The following MAP3K13 variants were observed in gnomAD, a reference collection of about 807,000 sequenced individuals.
MAP3K13 encodes leucine zipper-bearing kinase.
A neutral mutation model predicts 104.0 loss-of-function variants in MAP3K13; 52 were observed. The observed-to-expected ratio is 0.50, with a 90% CI of 0.40 to 0.63. The LOEUF (loss-of-function observed/expected upper bound fraction) is 0.63. Ranked by LOEUF, MAP3K13 falls within the 20% of genes least tolerant of loss-of-function variation. MAP3K13 has a pLI of 0.00. For missense variants in MAP3K13, 914 were observed against 1,218.5 expected (o/e 0.75, Z 3.72); for synonymous variants, 394 against 442.2 (o/e 0.89, Z 1.37).
intron 7 of MAP3K13, among the ~76,000 whole-genome samples, chr3:185,454,435 A>G (rs1716160166): frequency 8.6e-6 from 1 of 116,810 alleles, no homozygotes; most frequent in African/African-American, 3.5e-5. Flanking sequence ...TATATGATAT[A>G]TATGAGATAT....
At chr3:185,328,152 C>T (rs924588314) in intron 2 of MAP3K13, among the ~76,000 whole-genome samples, 4 of 152,032 alleles carry the variant, frequency 2.6e-5, no homozygotes, top group Admixed American at 6.6e-5. Flanking sequence ...TCAGATCAGC[C>T]GGTGGTTTGA....
chr3:185,480,572 T>C (rs772671950), intron 13 of MAP3K13, 43 bp downstream of exon 13: 2 of 1,587,252 alleles, frequency 1.3e-6, no homozygotes, highest in East Asian at 2.2e-5. Flanking sequence ...TTCCCTTTTT[T>C]GCTCTTTGGG....
At chr3:185,464,989 ATTTAT>A (rs1169561891) in intron 8 of MAP3K13, among the ~76,000 whole-genome samples, 1 of 151,896 alleles carries the variant, frequency 6.6e-6, no homozygotes, top group African/African-American at 2.4e-5. Flanking sequence ...CCACCTATTT[ATTTAT>A]TTATTTTGAG....
At position 185,417,593 on chromosome 3, in the gene MAP3K13, G is replaced by A. The variant is rs1488063069; in HGVS notation, c.-85-10904G>A. 4 of 1,599,300 alleles carry A rather than the reference G, an allele frequency of 2.5e-6. No homozygotes were observed. The Admixed American group carries it at 6.8e-5, about 27-fold the overall frequency. ...GTAGCTGCTGCCTTTTTTCCCACCAGAGGCTTCTTCTGCTTCTTAACACCA... is the reference window on the plus strand; with the variant it reads ...GTAGCTGCTGCCTTTTTTCCCACCAAAGGCTTCTTCTGCTTCTTAACACCA... On this transcript the variant is annotated intron_variant, in intron 1 of 13. Transcript: ENST00000265026.
intron 7 of MAP3K13, among the ~76,000 whole-genome samples, chr3:185,461,353 G>C (rs1717086504): frequency 6.6e-6 from 1 of 151,894 alleles, no homozygotes; most frequent in African/African-American, 2.4e-5. Flanking sequence ...CCTATATGTG[G>C]GAAAATCTAG....
chr3:185,361,111 TGTGTG>T (rs1409998252), upstream of MAP3K13, among the ~76,000 whole-genome samples: 1 of 151,092 alleles, frequency 6.6e-6, no homozygotes, highest in African/African-American at 2.4e-5. Flanking sequence ...TGTGTGTGTG[TGTGTG>T]TGTGTGTATA....
chr3:185,413,477 A>T (rs1181041613), intron 1 of MAP3K13, among the ~76,000 whole-genome samples: 1 of 152,246 alleles, frequency 6.6e-6, no homozygotes, highest in East Asian at 1.9e-4. Context: ...ATGACTACGT[A>T]TAACTAGAAG....
intron 1 of MAP3K13, among the ~76,000 whole-genome samples, chr3:185,399,225 A>C (rs1415424259): frequency 6.6e-6 from 1 of 152,022 alleles, no homozygotes; most frequent in Non-Finnish European, 1.5e-5. Flanking sequence ...GAAAGTGACA[A>C]AATTACCCTT....
At chr3:185,408,431 G>A (rs1713242326) in intron 1 of MAP3K13, among the ~76,000 whole-genome samples, 1 of 152,040 alleles carries the variant, frequency 6.6e-6, no homozygotes, top group African/African-American at 2.4e-5. Flanking sequence ...AATTAGCCGG[G>A]CATGGTGGCG....
chr3:185,469,417 A>G (rs1166848810), intron 10 of MAP3K13, among the ~76,000 whole-genome samples: 3 of 152,224 alleles, frequency 2.0e-5, no homozygotes, highest in African/African-American at 7.2e-5. Context: ...ACAACCCAGC[A>G]TAACCTCTGA....
At position 185,473,304 on chromosome 3, in the gene MAP3K13, T is replaced by C. The variant is rs200380603; in HGVS notation, c.1973T>C (p.Met658Thr). Reference protein sequence around the residue: ...MSQSHHPRLNMHGQDIATCAN... With the variant: ...MSQSHHPRLNTHGQDIATCAN... ...CAGAGTCACCATCCCAGACTCAATA[T>C]GCACGGACAGGACATAGCAACCTGC... Residue 658 changes from methionine (M) to threonine (T), a missense_variant, in exon 11 of 14, where the codon ATG becomes ACG. Transcript: ENST00000265026. The surrounding 1 kb of genome is among the most constrained non-coding windows in gnomAD (Gnocchi z 4.9). The C allele has an allele frequency of 6.2e-7, 1 of 1,614,204 alleles. No individual in the cohort carries two copies. The highest frequency in any genetic ancestry group is 1.7e-5 in the Admixed American group (1 of 60,032).
At chr3:185,449,335 T>C (rs1326532259) in intron 5 of MAP3K13, among the ~76,000 whole-genome samples, 1 of 141,590 alleles carries the variant, frequency 7.1e-6, no homozygotes, top group East Asian at 2.1e-4. Flanking sequence ...ATCGCACCAC[T>C]GCATTCCAGC....
rs886515913 is a variant in MAP3K13 at position 185,430,378 on chromosome 3, T to C, written c.475+1322T>C. Among the ~76,000 whole-genome samples the C allele has an allele frequency of 4.6e-5, 7 of 152,296 alleles. 1 individual carries two copies. In the South Asian group the frequency reaches 1.2e-3, roughly 27 times the overall value. ...TTGTTATATAGGTAAACTTGTGCCA[T>C]GGGGATTTACTGTACAGATTATTTC... On this transcript the variant is annotated intron_variant, in intron 2 of 13. Coordinates refer to ENST00000265026, the MANE Select transcript of MAP3K13 (RefSeq NM_004721.5).
At chr3:185,470,326 A>G (rs1016507681) in intron 10 of MAP3K13, among the ~76,000 whole-genome samples, 1 of 152,060 alleles carries the variant, frequency 6.6e-6, no homozygotes, top group African/African-American at 2.4e-5. Context: ...CAGTTTAGAA[A>G]CCATTTATTG....
At chr3:185,356,944 G>A (rs560440971) in intron 2 of MAP3K13, among the ~76,000 whole-genome samples, 4 of 152,208 alleles carry the variant, frequency 2.6e-5, no homozygotes, top group African/African-American at 4.8e-5. Context: ...TCTGCCGCCC[G>A]ACTTTAAAAG....
intron 1 of MAP3K13, 122 bp downstream of exon 1, chr3:185,363,490 C>CA: frequency 2.4e-6 from 1 of 410,458 alleles, no homozygotes; most frequent in Non-Finnish European, 3.3e-6. Flanking sequence ...GTGAGAGAGA[C>CA]AGAGAGACAG....
At chr3:185,447,590 C>G (rs1715663640) in intron 4 of MAP3K13, among the ~76,000 whole-genome samples, 199 bp from the exon 5 acceptor site, 1 of 150,488 alleles carries the variant, frequency 6.6e-6, no homozygotes, top group Non-Finnish European at 1.5e-5. Flanking sequence ...GTGTTAAAAG[C>G]CCATTACGCT....
intron 2 of MAP3K13, among the ~76,000 whole-genome samples, chr3:185,432,508 A>G (rs989147006): frequency 6.6e-6 from 1 of 151,952 alleles, no homozygotes; most frequent in Non-Finnish European, 1.5e-5. Flanking sequence ...TTATTTTTTA[A>G]AAGTTCCCTG....
intron 1 of MAP3K13, among the ~76,000 whole-genome samples, chr3:185,378,466 C>T (rs1724544696): frequency 6.6e-6 from 1 of 152,114 alleles, no homozygotes; most frequent in Non-Finnish European, 1.5e-5. Context: ...GAGGAAATTG[C>T]TGGGCAGGTT....
Sources: allele counts gnomAD v4.1 joint callset (sites outside exome capture counted in the v4.1 genomes callset), GRCh38; gene constraint gnomAD v4.1.1; non-coding constraint Gnocchi (gnomAD v3.1); transcripts MANE v1.5; gene names NCBI Gene and HGNC (gene_info 2026-07-23, HGNC 2026-07-21).